Variants in KIF26B observed in about 807,000 individuals in gnomAD.
The protein encoded by KIF26B is kinesin-like protein KIF26B.
In KIF26B, 63 loss-of-function variants were observed where a neutral mutation model predicts 151.2. The observed-to-expected ratio is 0.42, with a 90% CI of 0.34 to 0.51. The LOEUF is 0.51. KIF26B is among the 20% of genes least tolerant of loss of function. The pLI is 0.07. For synonymous variants in KIF26B, 1,357 were observed against 1,262.1 expected (o/e 1.08, Z -1.59); for missense variants, 2,813 against 2,913.6 (o/e 0.97, Z 0.79).
chr1:245,652,146 G>GAC (rs2103190954), intron 10 of KIF26B, among the ~76,000 whole-genome samples: 1 of 73,344 alleles, frequency 1.4e-5, no homozygotes, highest in Non-Finnish European at 2.7e-5. Flanking sequence ...GTGTGTGTGT[G>GAC]AGAGAGACAT....
intron 4 of KIF26B, among the ~76,000 whole-genome samples, chr1:245,436,474 G>A (rs1373866649): frequency 2.0e-5 from 3 of 152,202 alleles, no homozygotes; most frequent in African/African-American, 7.2e-5. Flanking sequence ...GGTGTGCAAA[G>A]CTAAAGAGCT....
At position 245,602,632 on chromosome 1, in the gene KIF26B, G is replaced by C; in HGVS notation, c.1406G>C (p.Ser469Thr). 1 of 1,614,026 alleles carries C rather than the reference G, an allele frequency of 6.2e-7. No individual in the cohort carries two copies. The highest frequency in any genetic ancestry group is 8.5e-7 in the Non-Finnish European group (1 of 1,179,878). The change falls in exon 6 of 15, where the codon AGC becomes ACC. Residue 469 changes from serine to threonine, a missense_variant. By Grantham distance (58) the Ser-to-Thr change is moderately conservative. Coordinates refer to ENST00000407071, the MANE Select transcript of KIF26B (RefSeq NM_018012.4). The surrounding 1 kb of genome is among the most constrained non-coding windows in gnomAD (Gnocchi z 4.5). Reference protein sequence around the residue: ...STLARDTSESSSFLKVDPRKK... With the variant: ...STLARDTSESTSFLKVDPRKK... ...TTGGCTCGAGATACTTCAGAATCCA[G>C]CTCTTTCTTAAAGGTGGACCCACGG...
At chr1:245,387,693 A>G (rs1673585621) in intron 3 of KIF26B, among the ~76,000 whole-genome samples, 2 of 152,150 alleles carry the variant, frequency 1.3e-5, no homozygotes, top group African/African-American at 4.8e-5. Context: ...CCCTATCTCA[A>G]AAAAACCCGC....
chr1:245,649,731 C>T (rs2043994545), intron 10 of KIF26B, among the ~76,000 whole-genome samples: 1 of 152,050 alleles, frequency 6.6e-6, no homozygotes, highest in Non-Finnish European at 1.5e-5. Flanking sequence ...TTTGTCTCCC[C>T]AGACAACTCT....
intron 14 of KIF26B, among the ~76,000 whole-genome samples, chr1:245,701,223 ATGAAT>A (rs1207284559): frequency 2.6e-5 from 4 of 152,228 alleles, no homozygotes; most frequent in Non-Finnish European, 5.9e-5. Context: ...TTTCTTGAAG[ATGAAT>A]TGAAAACAGT....
At chr1:245,541,986 C>T (rs1392689889) in intron 5 of KIF26B, among the ~76,000 whole-genome samples, 1 of 152,150 alleles carries the variant, frequency 6.6e-6, no homozygotes, top group African/African-American at 2.4e-5. Flanking sequence ...CTCCCACCCT[C>T]AATCTCACCA....
intron 5 of KIF26B, among the ~76,000 whole-genome samples, chr1:245,586,015 G>C (rs922668649): frequency 2.0e-4 from 31 of 151,608 alleles, no homozygotes; most frequent in African/African-American, 7.1e-4. Context: ...TGTTTTTAGA[G>C]ACAGGGTCTG....
intron 2 of KIF26B, among the ~76,000 whole-genome samples, chr1:245,355,765 A>C (rs1018077573): frequency 1.3e-5 from 2 of 152,202 alleles, no homozygotes; most frequent in African/African-American, 4.8e-5. Flanking sequence ...TATTTTGTAT[A>C]ATAAGCAGCA....
intron 4 of KIF26B, among the ~76,000 whole-genome samples, chr1:245,504,908 G>C (rs749054534): frequency 3.3e-5 from 5 of 152,118 alleles, no homozygotes; most frequent in Non-Finnish European, 7.4e-5. Context: ...CAAACTAAAT[G>C]ATGGTTTGTA....
At chr1:245,412,577 T>C (rs479631) in intron 3 of KIF26B, among the ~76,000 whole-genome samples, 77,363 of 152,006 alleles carry the variant, frequency 0.51, 20,151 homozygotes, top group South Asian at 0.64. Flanking sequence ...AGCTTACAGA[T>C]TGCAATTTGC....
At chr1:245,368,508 T>C (rs1248353785) in intron 3 of KIF26B, among the ~76,000 whole-genome samples, 2 of 152,088 alleles carry the variant, frequency 1.3e-5, no homozygotes, top group Non-Finnish European at 2.9e-5. Context: ...GACCTCAGGC[T>C]TTTTCTCACT....
chr1:245,610,238 G>C (rs1031634941), intron 8 of KIF26B, among the ~76,000 whole-genome samples: 1 of 152,088 alleles, frequency 6.6e-6, no homozygotes, highest in African/African-American at 2.4e-5. Context: ...TTCCCAACTG[G>C]GATTGTTTGC....
intron 4 of KIF26B, among the ~76,000 whole-genome samples, chr1:245,476,179 G>A (rs1023834020): frequency 1.7e-4 from 26 of 151,840 alleles, no homozygotes; most frequent in African/African-American, 6.0e-4. Context: ...AGTAAACTGC[G>A]TTTATATGAA....
At chr1:245,394,958 G>C (rs4658764) in intron 3 of KIF26B, among the ~76,000 whole-genome samples, 9,415 of 152,184 alleles carry the variant, frequency 0.062, 368 homozygotes, top group African/African-American at 0.11. Context: ...CTCCCAAAGT[G>C]CTAGGATTAC....
chr1:245,435,332 G>A (rs909676772), intron 4 of KIF26B, among the ~76,000 whole-genome samples: 15 of 152,204 alleles, frequency 9.9e-5, no homozygotes, highest in African/African-American at 2.7e-4. Context: ...AGGACATGGA[G>A]GTTCAAGACA....
intron 4 of KIF26B, among the ~76,000 whole-genome samples, chr1:245,450,524 C>T (rs901433852): frequency 6.6e-6 from 1 of 152,316 alleles, no homozygotes; most frequent in East Asian, 1.9e-4. Context: ...CCTGCGGCTG[C>T]GTGAGACTAA....
intron 2 of KIF26B, among the ~76,000 whole-genome samples, chr1:245,280,597 G>GT (rs74163033): frequency 0.025 from 2,611 of 104,358 alleles, 70 homozygotes; most frequent in African/African-American, 0.067. Flanking sequence ...GGAAGTTTTC[G>GT]TTTTTTTTTT....
intron 3 of KIF26B, among the ~76,000 whole-genome samples, chr1:245,418,820 C>T (rs1658389037): frequency 6.6e-6 from 1 of 152,188 alleles, no homozygotes; most frequent in African/African-American, 2.4e-5. Flanking sequence ...TATTTCTACA[C>T]AACATCCTTG....
At chr1:245,191,084 AAAAGAG>A (rs1305812616) in intron 2 of KIF26B, among the ~76,000 whole-genome samples, 2 of 150,440 alleles carry the variant, frequency 1.3e-5, no homozygotes, top group Non-Finnish European at 3.0e-5. Context: ...AAAAAAAAAA[AAAAGAG>A]ATAAGAACCA....
Sources: allele counts gnomAD v4.1 joint callset (sites outside exome capture counted in the v4.1 genomes callset), GRCh38; gene constraint gnomAD v4.1.1; non-coding constraint Gnocchi (gnomAD v3.1); transcripts MANE v1.5; gene names NCBI Gene and HGNC (gene_info 2026-07-23, HGNC 2026-07-21).